Variants in ZNF281 observed in about 807,000 individuals in gnomAD.
ZNF281 encodes GC-box-binding zinc finger protein 1.
In ZNF281, 2 loss-of-function variants were observed where a neutral mutation model predicts 58.8. That is an observed-to-expected ratio of 0.03 (90% CI 0.01 to 0.11). ZNF281 has a LOEUF of 0.11. Ranked by LOEUF, ZNF281 falls within the 10% of genes least tolerant of loss-of-function variation. The pLI is 1.00. For missense variants in ZNF281, 975 were observed against 1,090.7 expected (o/e 0.89, Z 1.49); for synonymous variants, 465 against 407.7 (o/e 1.14, Z -1.69).
In ZNF281 at chr1:200,409,301, A is replaced by G; in HGVS notation, c.405T>C (p.Pro135=). Residue 135 remains proline (P), a synonymous_variant, in exon 2 of 2, where the codon CCT becomes CCC. Transcript: ENST00000367353. Reference sequence around the variant, plus strand: ...GGTGGTGGTGGGACTGCTGCTCCTCAGGATCCGCGGGTTTCTCCTGTTTGA... The same window carrying G: ...GGTGGTGGTGGGACTGCTGCTCCTCGGGATCCGCGGGTTTCTCCTGTTTGA... ...VSIKQEKPAD[P]EEQQSHHHHH... is the part of the protein sequence containing the mutation. The G allele has an allele frequency of 6.2e-7, 1 of 1,605,926 alleles. No homozygotes were observed. The highest frequency in any genetic ancestry group is 8.5e-7 in the Non-Finnish European group (1 of 1,175,890).
rs923918022 is a variant in ZNF281, at chr1:200,409,597, C to T, written c.109G>A (p.Gly37Ser). Residue 37 changes from glycine (G) to serine (S), a missense_variant, in exon 2 of 2, where the codon GGC becomes AGC. By Grantham distance (56) the Gly-to-Ser change is moderately conservative (BLOSUM62 0). Coordinates refer to ENST00000367353, the MANE Select transcript of ZNF281 (RefSeq NM_001281293.2). The stretch of plus-strand genomic sequence containing the variant: ...GTGGGTTCCATCTCTGCCCTCCTGC[C>T]GCTGCTGCCGCCGCCGCCGCCGCCG... ...SGGGGGGGSS[G>S]RRAEMEPTFP... The T allele has an allele frequency of 1.9e-6, 3 of 1,549,088 alleles. No individual in the cohort carries two copies. The highest frequency in any genetic ancestry group is 1.7e-6 in the Non-Finnish European group (2 of 1,146,838).
rs1192387267 is a variant in ZNF281, at chr1:200,408,527, C to G, written c.1179G>C (p.Val393=). The change falls in exon 2 of 2, where the codon GTG becomes GTC. Residue 393 remains valine, a synonymous_variant. Transcript: ENST00000367353. ...AAGAACTTGTATTTCCCTGAGACAA[C>G]ACAGCCAGATTACCCATATTGGTAT... ...SNHTNMGNLA[V]LSQGNTSSSR... 3 of 1,614,226 alleles carry G rather than the reference C, an allele frequency of 1.9e-6. No homozygotes were observed. In the Admixed American group the frequency reaches 5.0e-5, roughly 27 times the overall value.
At position 200,409,970 on chromosome 1, in the gene ZNF281, C is replaced by A; in HGVS notation, c.-43G>T. The A allele has an allele frequency of 1.7e-6, 1 of 597,098 alleles. No homozygotes were observed. Among genetic ancestry groups the A allele is most frequent in the Non-Finnish European group, 2.9e-6 (1 of 340,360 alleles). 37.0% of individuals were successfully genotyped at this position (597,098 alleles called of 1,614,324 possible). ...CGGGTCCCGCCGCCGCCGCAGCCGC[C>A]GTCGCCTCCAGTTAATAAAAATAAC... is the stretch of plus-strand genomic sequence containing the variant. On this transcript the variant is annotated 5_prime_UTR_variant, in exon 1 of 2. Transcript: ENST00000367353.
chr1:200,408,057 TTGC>T lies in ZNF281; in HGVS notation c.1646_1648del (p.Ser549del). The T allele has an allele frequency of 1.2e-6, 2 of 1,614,220 alleles. No homozygotes were observed. The highest frequency in any genetic ancestry group is 1.7e-6 in the Non-Finnish European group (2 of 1,180,032). ...TCCTACGTTTATAGAAAAGGCACTG[TTGC>T]TGCTGGCAGTTGGTAAATATCTTCT... On this transcript the variant is annotated inframe_deletion, in exon 2 of 2. Coordinates refer to ENST00000367353, the MANE Select transcript of ZNF281 (RefSeq NM_001281293.2).
chr1:200,409,654 C>T lies in ZNF281; in HGVS notation c.52G>A (p.Gly18Ser). The change falls in exon 2 of 2, where the codon GGT becomes AGT. Residue 18 changes from glycine (G) to serine (S), a missense_variant. Physicochemically the swap from Gly to Ser is moderately conservative, Grantham distance 56. This residue lies in a region of ZNF281 where 370 missense variants were observed against 360.9 expected (regional missense o/e 1.03). Transcript: ENST00000367353. ...LSGGGGTGSS[G>S]GSGSGGGGSG... is the part of the protein sequence containing the mutation. ...CCACCGCCGCCGGAGCCGCTACCAC[C>T]GCTACTGCCGGTACCTCCGCCGCCA... 3 of 1,558,824 alleles carry T rather than the reference C, an allele frequency of 1.9e-6. No homozygotes were observed. Among genetic ancestry groups the T allele is most frequent in the Middle Eastern group, 2.1e-4 (1 of 4,804 alleles).
rs1187573889 is a variant in ZNF281 at position 200,405,283 on chromosome 1, G to A, written c.*1735C>T. 6.6e-6 allele frequency: 1 copy of A among 152,226 alleles called. No individual in the cohort carries two copies. Among genetic ancestry groups the A allele is most frequent in the African/African-American group, 2.4e-5 (1 of 41,456 alleles). The allele number at this position is 152,226 out of a possible 1,614,324, so 9.4% of individuals were successfully genotyped here. A position where few individuals can be genotyped will look rare whatever the true frequency, so the allele number is the denominator to read the frequency against. ...CCTTTAGCTGCTAAAGCTAAAGGGA[G>A]GAAAGTGGGAAAAGGAAATTAACTA... On this transcript the variant is annotated 3_prime_UTR_variant, in exon 2 of 2. Coordinates refer to ENST00000367353, the MANE Select transcript of ZNF281 (RefSeq NM_001281293.2).
In ZNF281 at chr1:200,405,660, T is replaced by C. The variant is rs771893847; in HGVS notation, c.*1358A>G. ...AGTTCATAGCAAGTTTTGATGACTT[T>C]ACAAGACCCCTGTACAATACTAATG... On this transcript the variant is annotated 3_prime_UTR_variant, in exon 2 of 2. Transcript: ENST00000367353. The C allele has an allele frequency of 6.6e-6, 1 of 152,228 alleles. No homozygotes were observed. The highest frequency in any genetic ancestry group is 1.5e-5 in the Non-Finnish European group (1 of 68,042). The allele number at this position is 152,228 out of a possible 1,614,324, so 9.4% of individuals were successfully genotyped here.
In ZNF281 at chr1:200,409,044, G is replaced by A. The variant is rs1336638677; in HGVS notation, c.662C>T (p.Ala221Val). 6.2e-7 allele frequency: 1 copy of A among 1,614,168 alleles called. No homozygotes were observed. Residue 221 changes from alanine (A) to valine (V), a missense_variant, in exon 2 of 2, where the codon GCA becomes GTA. Transcript: ENST00000367353. ...CTGAGATTCTGGCTTTGGCCTTTTT[G>A]CCTTTTTGACATTAGTGTCCTGCTT... ...EPKQDTNVKK[A>V]KRPKPESQGI...
At position 200,408,543 on chromosome 1, in the gene ZNF281, A is replaced by G. The variant is rs928490866; in HGVS notation, c.1163T>C (p.Met388Thr). 6.2e-7 allele frequency: 1 copy of G among 1,614,062 alleles called. No homozygotes were observed. The highest frequency in any genetic ancestry group is 1.3e-5 in the African/African-American group (1 of 74,918). Residue 388 changes from methionine to threonine, a missense_variant, in exon 2 of 2, where the codon ATG (methionine) becomes ACG (threonine). Around this residue, in one of 3 missense-constraint regions of ZNF281, gnomAD observed 579 missense variants for 608.9 expected, o/e 0.95. Coordinates refer to ENST00000367353, the MANE Select transcript of ZNF281 (RefSeq NM_001281293.2). ...CTGAGACAACACAGCCAGATTACCC[A>G]TATTGGTATGGTTTGATGACCCAGG... ...AEPGSSNHTN[M>T]GNLAVLSQGN... is the part of the protein sequence containing the mutation.
rs1409233529 is a variant in ZNF281, at chr1:200,405,353, C to G, written c.*1665G>C. ...AATATTTCTTATTTTCCAAACACTG[C>G]TTTTATAACAGAAGTGTTTTACACT... is the stretch of plus-strand genomic sequence containing the variant. On this transcript the variant is annotated 3_prime_UTR_variant, in exon 2 of 2. Transcript: ENST00000367353. The G allele has an allele frequency of 6.6e-6, 1 of 152,128 alleles. No individual in the cohort carries two copies. Among genetic ancestry groups the G allele is most frequent in the Non-Finnish European group, 1.5e-5 (1 of 68,002 alleles). The allele number at this position is 152,128 out of a possible 1,614,324, so 9.4% of individuals were successfully genotyped here.
In ZNF281 at chr1:200,406,094, C is replaced by A. The variant is rs964347980; in HGVS notation, c.*924G>T. 1 of 152,190 alleles carries A rather than the reference C, an allele frequency of 6.6e-6. No homozygotes were observed. Among genetic ancestry groups the A allele is most frequent in the Non-Finnish European group, 1.5e-5 (1 of 68,022 alleles). 9.4% of individuals were successfully genotyped at this position (152,190 alleles called of 1,614,324 possible). A position where few individuals can be genotyped will look rare whatever the true frequency, so the allele number is the denominator to read the frequency against. Reference sequence around the variant, plus strand: ...TGTAGGTAATACGTAACAGCGCAGACAGAACCGTTGTAGGCCATGTATAAT... The same window carrying A: ...TGTAGGTAATACGTAACAGCGCAGAAAGAACCGTTGTAGGCCATGTATAAT... On this transcript the variant is annotated 3_prime_UTR_variant, in exon 2 of 2. Coordinates refer to ENST00000367353, the MANE Select transcript of ZNF281 (RefSeq NM_001281293.2).
rs1430126448 is a variant in ZNF281, at chr1:200,405,787, T to C, written c.*1231A>G. On this transcript the variant is annotated 3_prime_UTR_variant, in exon 2 of 2. Coordinates refer to ENST00000367353, the MANE Select transcript of ZNF281 (RefSeq NM_001281293.2). ...ATTCTTATCCCTCACAGGAGTTATG[T>C]CACCAGTTGGAATTACAACCTTATT... 1 of 152,092 alleles carries C rather than the reference T, an allele frequency of 6.6e-6. No homozygotes were observed. The highest frequency in any genetic ancestry group is 1.5e-5 in the Non-Finnish European group (1 of 68,012). The allele number at this position is 152,092 out of a possible 1,614,324, so 9.4% of individuals were successfully genotyped here.
Position 200,409,452 on chromosome 1 carries a change from G to A in ZNF281, c.254C>T (p.Ala85Val). 6.5e-7 allele frequency: 1 copy of A among 1,533,568 alleles called. No individual in the cohort carries two copies. Among genetic ancestry groups the A allele is most frequent in the East Asian group, 2.5e-5 (1 of 40,662 alleles). 95.0% of individuals were successfully genotyped at this position (1,533,568 alleles called of 1,614,324 possible). Residue 85 changes from alanine to valine, a missense_variant, in exon 2 of 2, where the codon GCC becomes GTC. By Grantham distance (64) the Ala-to-Val change is moderately conservative. This residue lies in a region of ZNF281 where 370 missense variants were observed against 360.9 expected (regional missense o/e 1.03). Transcript: ENST00000367353. ...QCVLSSSTSAAPAAEPPPPPA... is the reference protein window; with the variant it reads ...QCVLSSSTSAVPAAEPPPPPA... ...CGGAGGGGGGGGCTCAGCGGCCGGGGCTGCGGAGGTAGAGGAGGATAACAC... is the reference window on the plus strand; with the variant it reads ...CGGAGGGGGGGGCTCAGCGGCCGGGACTGCGGAGGTAGAGGAGGATAACAC...
Position 200,409,295 on chromosome 1 carries a change from C to T in ZNF281, c.411G>A (p.Glu137=), listed in dbSNP as rs749347911. ...IKQEKPADPE[E]QQSHHHHHHH... ...GGTGATGGTGGTGGTGGGACTGCTG[C>T]TCCTCAGGATCCGCGGGTTTCTCCT... The change falls in exon 2 of 2, where the codon GAG becomes GAA. Residue 137 remains glutamate, a synonymous_variant. Coordinates refer to ENST00000367353, the MANE Select transcript of ZNF281 (RefSeq NM_001281293.2). The T allele has an allele frequency of 4.4e-6, 7 of 1,609,132 alleles. No individual in the cohort carries two copies. The South Asian group carries it at 7.7e-5, about 18-fold the overall frequency.
chr1:200,407,872 C>A lies in ZNF281; in HGVS notation c.1834G>T (p.Asp612Tyr). ...IPDEVLQSIL[D>Y]QYSNKSESQK... is the part of the protein sequence containing the mutation. ...CTTTCTGATTTGTTGGAGTATTGAT[C>A]CAAAATACTTTGTAAAACCTCATCA... The change falls in exon 2 of 2, where the codon GAT becomes TAT. Residue 612 changes from aspartate (D) to tyrosine (Y), a missense_variant. Physicochemically the swap from Asp to Tyr is radical, Grantham distance 160 (BLOSUM62 -3). Around this residue, in one of 3 missense-constraint regions of ZNF281, gnomAD observed 579 missense variants for 608.9 expected, o/e 0.95. Coordinates refer to ENST00000367353, the MANE Select transcript of ZNF281 (RefSeq NM_001281293.2). 6.2e-7 allele frequency: 1 copy of A among 1,613,998 alleles called. No individual in the cohort carries two copies. Among genetic ancestry groups the A allele is most frequent in the South Asian group, 1.1e-5 (1 of 91,074 alleles).
Position 200,409,281 on chromosome 1 carries a change from T to C in ZNF281, c.425A>G (p.His142Arg), listed in dbSNP as rs746018501. The C allele has an allele frequency of 1.2e-5, 20 of 1,612,470 alleles. No homozygotes were observed. Among genetic ancestry groups the C allele is most frequent in the Non-Finnish European group, 5.1e-6 (6 of 1,179,422 alleles). Residue 142 changes from histidine to arginine, a missense_variant, in exon 2 of 2, where the codon CAC (histidine) becomes CGC (arginine). This residue lies in a region of ZNF281 where 370 missense variants were observed against 360.9 expected (regional missense o/e 1.03). Coordinates refer to ENST00000367353, the MANE Select transcript of ZNF281 (RefSeq NM_001281293.2). ...CCCATAGTGGTGGTGGTGATGGTGG[T>C]GGTGGGACTGCTGCTCCTCAGGATC... ...PADPEEQQSH[H>R]HHHHHHYGGL...
rs1253071379 is a variant in ZNF281 at position 200,407,138 on chromosome 1, T to C, written c.2568A>G (p.Glu856=). The change falls in exon 2 of 2, where the codon GAA becomes GAG. Residue 856 remains glutamate (E), a synonymous_variant. Coordinates refer to ENST00000367353, the MANE Select transcript of ZNF281 (RefSeq NM_001281293.2). Reference sequence around the variant, plus strand: ...CTGAAGTCCTTACTCTATGGTCCACTTCTCCATTAGAGTTAGTGATAAAGG... The same window carrying C: ...CTGAAGTCCTTACTCTATGGTCCACCTCTCCATTAGAGTTAGTGATAAAGG... ...PMTFITNSNG[E]VDHRVRTSVS... 1 of 1,614,076 alleles carries C rather than the reference T, an allele frequency of 6.2e-7. No homozygotes were observed. The highest frequency in any genetic ancestry group is 1.3e-5 in the African/African-American group (1 of 74,922).
chr1:200,408,438 G>C lies in ZNF281; in HGVS notation c.1268C>G (p.Thr423Arg). The C allele has an allele frequency of 6.2e-7, 1 of 1,614,028 alleles. No individual in the cohort carries two copies. Among genetic ancestry groups the C allele is most frequent in the Non-Finnish European group, 8.5e-7 (1 of 1,179,998 alleles). Residue 423 changes from threonine to arginine, a missense_variant, in exon 2 of 2, where the codon ACA (threonine) becomes AGA (arginine). Thr to Arg is a moderately conservative substitution (Grantham distance 71). Around this residue, in one of 3 missense-constraint regions of ZNF281, gnomAD observed 579 missense variants for 608.9 expected, o/e 0.95. Transcript: ENST00000367353. ...ATTATTTGAAATTTGCGATTCATTTGTTTTACCGGTCTTCTGTTCCTTATT... is the reference window on the plus strand; with the variant it reads ...ATTATTTGAAATTTGCGATTCATTTCTTTTACCGGTCTTCTGTTCCTTATT... ...IENKEQKTGKTNESQISNNIN... is the reference protein window; with the variant it reads ...IENKEQKTGKRNESQISNNIN...
At position 200,409,253 on chromosome 1, in the gene ZNF281, C is replaced by A; in HGVS notation, c.453G>T (p.Gly151=). Reference sequence around the variant, plus strand: ...ACCTCTCTTCAGCTCCAGCGAACAGCCCCCCATAGTGGTGGTGGTGATGGT... The same window carrying A: ...ACCTCTCTTCAGCTCCAGCGAACAGACCCCCATAGTGGTGGTGGTGATGGT... ...HHHHHHHHYG[G]LFAGAEERSP... is the part of the protein sequence containing the mutation. Residue 151 remains glycine (G), a synonymous_variant, in exon 2 of 2, where the codon GGG becomes GGT. Coordinates refer to ENST00000367353, the MANE Select transcript of ZNF281 (RefSeq NM_001281293.2). 1 of 1,613,350 alleles carries A rather than the reference C, an allele frequency of 6.2e-7. No individual in the cohort carries two copies. Among genetic ancestry groups the A allele is most frequent in the Non-Finnish European group, 8.5e-7 (1 of 1,179,502 alleles).
Sources: gnomAD v4.1 joint callset for allele counts on GRCh38, gnomAD v4.1.1 for gene constraint, gnomAD v4.1.1 regional missense constraint, MANE v1.5 for transcripts, NCBI Gene and HGNC (gene_info 2026-07-23, HGNC 2026-07-21) for gene names.